Variants in TRIM27 observed in about 807,000 individuals in gnomAD.
TRIM27 encodes the protein zinc finger protein RFP.
In TRIM27, 12 loss-of-function variants were observed where a neutral mutation model predicts 57.6. The observed-to-expected ratio is 0.21, with a 90% CI of 0.13 to 0.34. The LOEUF is 0.34. TRIM27 is among the 10% of genes least tolerant of loss of function. The pLI is 1.00. For synonymous variants in TRIM27, 266 were observed against 259.0 expected (o/e 1.03, Z -0.26); for missense variants, 403 against 656.8 (o/e 0.61, Z 4.22).
chr6:28,913,053 T>G (rs1460228307), intron 3 of TRIM27, among the ~76,000 whole-genome samples: 1 of 152,010 alleles, frequency 6.6e-6, no homozygotes, highest in African/African-American at 2.4e-5. Context: ...GTCGGGAGTT[T>G]GGGACCAGAC....
intron 1 of TRIM27, among the ~76,000 whole-genome samples, chr6:28,922,409 C>T (rs189850376): frequency 6.6e-6 from 1 of 152,264 alleles, no homozygotes; most frequent in East Asian, 1.9e-4. Context: ...CACCATCTTC[C>T]CAACCTACTC....
At position 28,903,878 on chromosome 6, in the gene TRIM27, C is replaced by G; in HGVS notation, c.*192G>C. 2 of 589,402 alleles carry G rather than the reference C, an allele frequency of 3.4e-6. No individual in the cohort carries two copies. Among genetic ancestry groups the G allele is most frequent in the Non-Finnish European group, 6.1e-6 (2 of 328,324 alleles). 36.5% of individuals were successfully genotyped at this position (589,402 alleles called of 1,614,324 possible). The stretch of plus-strand genomic sequence containing the variant: ...TTTTTATTTCTAGGATATCTTGATA[C>G]ATCTCATTACATTTCACAATCTGCA... On this transcript the variant is annotated 3_prime_UTR_variant, in exon 8 of 8. Transcript: ENST00000377199.
At chr6:28,911,946 C>A (rs1226530882) in intron 3 of TRIM27, among the ~76,000 whole-genome samples, 1 of 152,136 alleles carries the variant, frequency 6.6e-6, no homozygotes, top group African/African-American at 2.4e-5. Flanking sequence ...CCTTCAGTAC[C>A]CACCATCCAC....
chr6:28,904,858 A>T lies in TRIM27; in HGVS notation c.947-193T>A. ...TTAGCTGGTTACCAGAATACTCTGAAAATACAGAATTTTAGCCCCGTATCT... is the reference window on the plus strand; with the variant it reads ...TTAGCTGGTTACCAGAATACTCTGATAATACAGAATTTTAGCCCCGTATCT... On this transcript the variant is annotated intron_variant, in intron 7 of 7. Coordinates refer to ENST00000377199, the MANE Select transcript of TRIM27 (RefSeq NM_006510.5). The surrounding 1 kb of genome is among the most constrained non-coding windows in gnomAD (Gnocchi z 6.1). 1.8e-6 allele frequency: 1 copy of T among 567,510 alleles called. No individual in the cohort carries two copies. Among genetic ancestry groups the T allele is most frequent in the Non-Finnish European group, 3.1e-6 (1 of 320,930 alleles). The allele number at this position is 567,510 out of a possible 1,614,324, so 35.2% of individuals were successfully genotyped here. A position where few individuals can be genotyped will look rare whatever the true frequency, so the allele number is the denominator to read the frequency against.
At chr6:28,922,100 G>A (rs776102086) in intron 1 of TRIM27, 113 bp from the exon 2 acceptor site, 16 of 805,796 alleles carry the variant, frequency 2.0e-5, no homozygotes, top group Middle Eastern at 2.3e-4. Context: ...TCCAGTTGGC[G>A]CTTGTCCTTA....
At chr6:28,913,112 G>A (rs1773330246) in intron 3 of TRIM27, among the ~76,000 whole-genome samples, 3 of 151,698 alleles carry the variant, frequency 2.0e-5, no homozygotes, top group East Asian at 1.9e-4. Flanking sequence ...AAAATTAGCC[G>A]GGCATGGTGG....
chr6:28,907,209 A>G (rs774132961), intron 7 of TRIM27, 27 bp downstream of exon 7: 11 of 1,601,170 alleles, frequency 6.9e-6, no homozygotes, highest in African/African-American at 1.3e-5. Flanking sequence ...TCCTTACCCT[A>G]ATATGGTTTT....
In TRIM27 at chr6:28,920,249, A is replaced by G; in HGVS notation, c.517-7T>C. On this transcript the variant is annotated splice_polypyrimidine_tract_variant and splice_region_variant and intron_variant, in intron 2 of 7. Transcript: ENST00000377199. ...TCTCCATCTGGGTTAGGCTCTATGC[A>G]GACGACAGGGAAAGGCAGTAAAGAG... The G allele has an allele frequency of 6.3e-7, 1 of 1,583,056 alleles. No individual in the cohort carries two copies. The highest frequency in any genetic ancestry group is 8.6e-7 in the Non-Finnish European group (1 of 1,161,550).
At chr6:28,922,476 G>C (rs1048554544) in intron 1 of TRIM27, among the ~76,000 whole-genome samples, 2 of 152,194 alleles carry the variant, frequency 1.3e-5, no homozygotes, top group Non-Finnish European at 2.9e-5. Context: ...TAAATGTTAA[G>C]TGATTGCACA....
intron 3 of TRIM27, among the ~76,000 whole-genome samples, chr6:28,917,370 G>C (rs1343453921): frequency 1.3e-5 from 2 of 152,044 alleles, no homozygotes; most frequent in Non-Finnish European, 2.9e-5. Context: ...CTGAGGTCAG[G>C]AGTTCAGGAC....
intron 7 of TRIM27, chr6:28,906,018 G>C (rs1772743386): frequency 6.6e-6 from 1 of 152,050 alleles, no homozygotes; most frequent in Non-Finnish European, 1.5e-5. Context: ...ACAGGAGTTT[G>C]AGACCCTGTC....
chr6:28,913,294 C>T lies in TRIM27; in HGVS notation c.748-1576G>A, dbSNP rs554093681. Among the ~76,000 whole-genome samples, 726 of 145,780 alleles carry T rather than the reference C, an allele frequency of 5.0e-3. 4 individuals carry two copies. The highest frequency in any genetic ancestry group is 0.016 in the African/African-American group (656 of 39,790). ...AATATATATATATATATATAATATA[C>T]GTATGTATATGTGTGTGTATATACA... On this transcript the variant is annotated intron_variant, in intron 3 of 7. Coordinates refer to ENST00000377199, the MANE Select transcript of TRIM27 (RefSeq NM_006510.5).
chr6:28,923,796 G>T lies in TRIM27; in HGVS notation c.-164C>A. On this transcript the variant is annotated 5_prime_UTR_variant, in exon 1 of 8. Transcript: ENST00000377199. ...TCCCAGACGCGCCCGCGCACCGAAG[G>T]CTTGGAGTGGCCGGGCCGATGCCTG... is the stretch of plus-strand genomic sequence containing the variant. 1 of 751,534 alleles carries T rather than the reference G, an allele frequency of 1.3e-6. No homozygotes were observed. The highest frequency in any genetic ancestry group is 2.1e-6 in the Non-Finnish European group (1 of 487,390). 46.6% of individuals were successfully genotyped at this position (751,534 alleles called of 1,614,324 possible).
intron 4 of TRIM27, 23 bp from the exon 5 acceptor site, chr6:28,909,111 A>ATT: frequency 6.4e-7 from 1 of 1,567,152 alleles, no homozygotes; most frequent in Non-Finnish European, 8.7e-7. Flanking sequence ...AACATGAGTA[A>ATT]ATTTTTTTTT....
At chr6:28,914,197 G>A (rs1292276290) in intron 3 of TRIM27, among the ~76,000 whole-genome samples, 3 of 147,442 alleles carry the variant, frequency 2.0e-5, no homozygotes, top group African/African-American at 7.5e-5. Flanking sequence ...GTGAAATGGT[G>A]CGATCTCAGC....
chr6:28,920,252 C>T lies in TRIM27; in HGVS notation c.517-10G>A, dbSNP rs759434255. On this transcript the variant is annotated splice_polypyrimidine_tract_variant and intron_variant, in intron 2 of 7. Coordinates refer to ENST00000377199, the MANE Select transcript of TRIM27 (RefSeq NM_006510.5). ...CCATCTGGGTTAGGCTCTATGCAGA[C>T]GACAGGGAAAGGCAGTAAAGAGAAA... 51 of 1,575,860 alleles carry T rather than the reference C, an allele frequency of 3.2e-5. No individual in the cohort carries two copies. Among genetic ancestry groups the T allele is most frequent in the East Asian group, 6.8e-5 (3 of 44,408 alleles).
intron 2 of TRIM27, 141 bp from the exon 3 acceptor site, chr6:28,920,383 AC>A: frequency 1.5e-6 from 1 of 654,592 alleles, no homozygotes; most frequent in Non-Finnish European, 2.5e-6. Context: ...TCCAGTCTTT[AC>A]TGACTGGATA....
In TRIM27 at chr6:28,922,046, G is replaced by A. The variant is rs535983564; in HGVS notation, c.421-59C>T. On this transcript the variant is annotated intron_variant, in intron 1 of 7. Transcript: ENST00000377199. ...TTAGGTAGACCTTAGCATCAGCATGGTACTTCTTATCACACATGGAGTCCA... is the reference window on the plus strand; with the variant it reads ...TTAGGTAGACCTTAGCATCAGCATGATACTTCTTATCACACATGGAGTCCA... The A allele has an allele frequency of 1.3e-5, 17 of 1,293,288 alleles. No individual in the cohort carries two copies. The East Asian group carries it at 3.9e-4, about 30-fold the overall frequency. 80.1% of individuals were successfully genotyped at this position (1,293,288 alleles called of 1,614,324 possible).
intron 6 of TRIM27, chr6:28,907,832 G>T: frequency 3.0e-6 from 1 of 334,224 alleles, no homozygotes; most frequent in African/African-American, 2.1e-5. Flanking sequence ...TGTATTGAGT[G>T]GAGTTTCTCC....
Sources: gnomAD v4.1 joint callset for allele counts (sites outside exome capture counted in the v4.1 genomes callset) on GRCh38, gnomAD v4.1.1 for gene constraint, Gnocchi (gnomAD v3.1) non-coding constraint, MANE v1.5 for transcripts, NCBI Gene and HGNC (gene_info 2026-07-23, HGNC 2026-07-21) for gene names.